Variants in PTPRM observed in about 807,000 individuals in gnomAD.
PTPRM encodes the protein receptor-type tyrosine-protein phosphatase mu.
A neutral mutation model predicts 186.7 loss-of-function variants in PTPRM; 47 were observed. The observed-to-expected ratio is 0.25, with a 90% confidence interval of 0.20 to 0.32. The LOEUF is 0.32. PTPRM is among the 10% of genes least tolerant of loss of function. The pLI is 1.00. For synonymous variants in PTPRM, 668 were observed against 674.9 expected, an observed-to-expected ratio of 0.99 and a Z score of 0.16; for missense variants, 1,494 against 1,865.0, an observed-to-expected ratio of 0.80 and a Z score of 3.66.
At chr18:8,233,739 A>G (rs956254635) in intron 14 of PTPRM, among the ~76,000 whole-genome samples, 2 of 151,722 alleles carry the variant, frequency 1.3e-5, no homozygotes, top group Admixed American at 6.6e-5. Context: ...GGTCATCTAG[A>G]TTTTCTCCTA....
intron 29 of PTPRM, among the ~76,000 whole-genome samples, chr18:8,383,283 C>T (rs1013402791): frequency 9.8e-6 from 1 of 102,194 alleles, no homozygotes; most frequent in African/African-American, 4.0e-5. Context: ...GGCGACAGAA[C>T]GAGCTTCTGC....
intron 7 of PTPRM, among the ~76,000 whole-genome samples, chr18:7,966,176 A>C (rs1171760857): frequency 2.0e-5 from 3 of 152,228 alleles, no homozygotes; most frequent in Non-Finnish European, 4.4e-5. Context: ...AATAACGCAT[A>C]TAAATGGAAT....
intron 14 of PTPRM, among the ~76,000 whole-genome samples, chr18:8,231,264 T>C (rs1380429638): frequency 6.6e-6 from 1 of 152,158 alleles, no homozygotes; most frequent in Non-Finnish European, 1.5e-5. Context: ...TGACCTTGAA[T>C]GGCAATAGAC....
intron 1 of PTPRM, among the ~76,000 whole-genome samples, chr18:7,608,035 A>G (rs1054991800): frequency 6.6e-6 from 1 of 152,202 alleles, no homozygotes; most frequent in African/African-American, 2.4e-5. Flanking sequence ...GTAATGAGTG[A>G]AACCCTAAAG....
chr18:7,849,036 C>T (rs920756580), intron 2 of PTPRM, among the ~76,000 whole-genome samples: 2 of 152,072 alleles, frequency 1.3e-5, no homozygotes, highest in Non-Finnish European at 2.9e-5. Context: ...TTCCTCTCCC[C>T]TGCCACAGGG....
At chr18:8,205,654 T>A (rs562890927) in intron 14 of PTPRM, among the ~76,000 whole-genome samples, 1 of 152,336 alleles carries the variant, frequency 6.6e-6, no homozygotes, top group East Asian at 1.9e-4. Context: ...TCAGTGGATA[T>A]CATGCCTGCC....
In PTPRM at chr18:8,186,325, CAAAAAAAAAAA is replaced by C. The variant is rs5822996; in HGVS notation, c.2300+42556_2300+42566del. Among the ~76,000 whole-genome samples the C allele has an allele frequency of 4.2e-5, 4 of 94,784 alleles. No homozygotes were observed. The South Asian group carries it at 1.2e-3, about 28-fold the overall frequency. 62.2% of individuals were successfully genotyped at this position (94,784 alleles called of 152,430 possible). On this transcript the variant is annotated intron_variant, in intron 14 of 32. Coordinates refer to ENST00000580170, the MANE Select transcript of PTPRM (RefSeq NM_001105244.2). ...TGGGCAACAGAGCGATACTCCATCT[CAAAAAAAAAAA>C]AAAAAAAAAGAATGAAAAGTATTTT...
chr18:8,240,499 GAGGA>G (rs1300777583), intron 14 of PTPRM, among the ~76,000 whole-genome samples: 276 of 13,508 alleles, frequency 0.02, 10 homozygotes, highest in Middle Eastern at 0.17. Flanking sequence ...GAGAGAGAGA[GAGGA>G]AGGAAGGAAG....
chr18:8,217,104 T>C (rs1358491905), intron 14 of PTPRM, among the ~76,000 whole-genome samples: 2 of 152,248 alleles, frequency 1.3e-5, no homozygotes, highest in Admixed American at 1.3e-4. Flanking sequence ...TACTTTCTTC[T>C]GTGTTGTGAG....
intron 2 of PTPRM, among the ~76,000 whole-genome samples, chr18:7,881,657 C>A (rs2146287576): frequency 6.6e-6 from 1 of 152,296 alleles, no homozygotes; most frequent in African/African-American, 2.4e-5. Context: ...AGATCAAGTT[C>A]ATGGAGCACC....
rs1482793163 is a variant in PTPRM, at chr18:7,791,443, T to A, written c.196+17172T>A. On this transcript the variant is annotated intron_variant, in intron 2 of 32. Coordinates refer to ENST00000580170, the MANE Select transcript of PTPRM (RefSeq NM_001105244.2). ...GGTCCCAGCTTGGAGGTGGTTGGGTTGGGAGCTTGTTACACATAGACATCC... is the reference window on the plus strand; with the variant it reads ...GGTCCCAGCTTGGAGGTGGTTGGGTAGGGAGCTTGTTACACATAGACATCC... Among the ~76,000 whole-genome samples, 3 of 152,192 alleles carry A rather than the reference T, an allele frequency of 2.0e-5. No individual in the cohort carries two copies. The East Asian group carries it at 5.8e-4, about 29-fold the overall frequency.
chr18:7,757,812 G>A (rs548756621), intron 1 of PTPRM, among the ~76,000 whole-genome samples: 1 of 152,302 alleles, frequency 6.6e-6, no homozygotes, highest in Admixed American at 6.5e-5. Flanking sequence ...TGAGCTTAAT[G>A]TGCATGGTTG....
intron 22 of PTPRM, among the ~76,000 whole-genome samples, chr18:8,333,448 C>T (rs2095422346): frequency 1.3e-5 from 2 of 152,142 alleles, no homozygotes; most frequent in Non-Finnish European, 2.9e-5. Flanking sequence ...AAATGAAAAG[C>T]TACTCAATGT....
At chr18:8,404,165 C>T (rs1457953741) in intron 32 of PTPRM, 3 of 152,198 alleles carry the variant, frequency 2.0e-5, no homozygotes, top group African/African-American at 4.8e-5. Context: ...TTTGACATTC[C>T]CTCCAGCCGT....
rs139173783 is a variant in PTPRM, at chr18:7,784,600, G to A, written c.196+10329G>A. On this transcript the variant is annotated intron_variant, in intron 2 of 32. Coordinates refer to ENST00000580170, the MANE Select transcript of PTPRM (RefSeq NM_001105244.2). ...CAGCTTTTTATAAAACTATGTTTCAGCTTTTTATAAAACCTCCAACCTTCT... is the reference window on the plus strand; with the variant it reads ...CAGCTTTTTATAAAACTATGTTTCAACTTTTTATAAAACCTCCAACCTTCT... Among the ~76,000 whole-genome samples, 3 of 152,220 alleles carry A rather than the reference G, an allele frequency of 2.0e-5. No homozygotes were observed. The East Asian group carries it at 5.8e-4, about 29-fold the overall frequency.
intron 1 of PTPRM, among the ~76,000 whole-genome samples, chr18:7,725,376 G>A (rs752354706): frequency 6.6e-6 from 1 of 152,122 alleles, no homozygotes; most frequent in Non-Finnish European, 1.5e-5. Context: ...CAATGGGTAT[G>A]AGGTGGTGAT....
At chr18:8,249,789 T>C (rs2094510569) in intron 17 of PTPRM, among the ~76,000 whole-genome samples, 1 of 152,202 alleles carries the variant, frequency 6.6e-6, no homozygotes. Flanking sequence ...TTTTCTTTAC[T>C]GAAAGGGAAT....
At chr18:7,628,065 G>A (rs1031226016) in intron 1 of PTPRM, among the ~76,000 whole-genome samples, 8 of 152,204 alleles carry the variant, frequency 5.3e-5, no homozygotes, top group Admixed American at 2.0e-4. Flanking sequence ...TAAAAAATAT[G>A]TGGTGTGAAC....
chr18:8,155,756 A>C (rs2093107888), intron 14 of PTPRM, among the ~76,000 whole-genome samples: 1 of 152,208 alleles, frequency 6.6e-6, no homozygotes, highest in Non-Finnish European at 1.5e-5. Context: ...GTTGACATTA[A>C]CTATAGTTCC....
Sources: allele counts gnomAD v4.1 joint callset (sites outside exome capture counted in the v4.1 genomes callset), GRCh38; gene constraint gnomAD v4.1.1; transcripts MANE v1.5; gene names NCBI Gene and HGNC (gene_info 2026-07-23, HGNC 2026-07-21).